The following WDFY3 variants were observed in gnomAD, a reference collection of about 807,000 sequenced individuals.
The protein encoded by WDFY3 is WD repeat and FYVE domain containing 3.
WDFY3 carries 66 observed loss-of-function variants against 409.6 expected under a neutral mutation model. That is an observed-to-expected ratio of 0.16 (90% CI 0.13 to 0.20). The LOEUF is 0.20. Ranked by LOEUF, WDFY3 falls within the 10% of genes least tolerant of loss-of-function variation. WDFY3 has a pLI of 1.00. For synonymous variants in WDFY3, 1,521 were observed against 1,537.1 expected (o/e 0.99, Z 0.25); for missense variants, 3,031 against 4,298.1 (o/e 0.71, Z 8.24).
chr4:84,734,997 T>C (rs1377526534), intron 43 of WDFY3, 46 bp downstream of exon 43: 43 of 1,534,804 alleles, frequency 2.8e-5, no homozygotes, highest in Non-Finnish European at 3.9e-5. Flanking sequence ...ACCTTTCACA[T>C]ACAAAAAATG....
At chr4:84,891,733 G>A (rs958393764) in intron 3 of WDFY3, among the ~76,000 whole-genome samples, 1 of 152,086 alleles carries the variant, frequency 6.6e-6, no homozygotes, top group Non-Finnish European at 1.5e-5. Context: ...AATGAAAAAG[G>A]AGAAAACAGG....
At chr4:84,685,879 TAAG>T (rs774839351) in intron 62 of WDFY3, among the ~76,000 whole-genome samples, 2 of 152,222 alleles carry the variant, frequency 1.3e-5, no homozygotes, top group Admixed American at 6.5e-5. Flanking sequence ...GTATTTAAGT[TAAG>T]AACAACCCCA....
chr4:84,757,274 A>C (rs1222443131), intron 32 of WDFY3, 113 bp from the exon 33 acceptor site: 1 of 882,938 alleles, frequency 1.1e-6, no homozygotes, highest in Non-Finnish European at 1.8e-6. Context: ...CAGAACATTC[A>C]TACTACTATA....
Position 84,810,173 on chromosome 4 carries a change from T to C in WDFY3, c.2059A>G (p.Thr687Ala), listed in dbSNP as rs765370314. Residue 687 changes from threonine (T) to alanine (A), a missense_variant, in exon 14 of 68, where the codon ACT becomes GCT. Around this residue, in one of 16 missense-constraint regions of WDFY3, gnomAD observed 1,322 missense variants for 1,697.9 expected, o/e 0.78. Coordinates refer to ENST00000295888, the MANE Select transcript of WDFY3 (RefSeq NM_014991.6). Reference sequence around the variant, plus strand: ...GCTGCAGTCAACGTGCAGAACACAGTGTGAAGAAGTTCAAACACTTGATTC... The same window carrying C: ...GCTGCAGTCAACGTGCAGAACACAGCGTGAAGAAGTTCAAACACTTGATTC... ...NQNQVFELLHTVFCTLTAAMR... is the reference protein window; with the variant it reads ...NQNQVFELLHAVFCTLTAAMR... 2.5e-5 allele frequency: 41 copies of C among 1,614,020 alleles called. No homozygotes were observed. The highest frequency in any genetic ancestry group is 4.0e-5 in the African/African-American group (3 of 74,930).
chr4:84,822,194 G>C (rs1272698096), intron 10 of WDFY3, among the ~76,000 whole-genome samples: 3 of 152,054 alleles, frequency 2.0e-5, no homozygotes, highest in African/African-American at 7.2e-5. Context: ...GCAAATTAGT[G>C]ACAATAATTA....
chr4:84,865,706 C>G (rs1163961143), intron 3 of WDFY3, among the ~76,000 whole-genome samples: 1 of 152,196 alleles, frequency 6.6e-6, no homozygotes, highest in Non-Finnish European at 1.5e-5. Flanking sequence ...CCTTTCACTG[C>G]AAACCCCACT....
At chr4:84,907,365 C>T (rs538974653) in intron 2 of WDFY3, among the ~76,000 whole-genome samples, 1 of 152,166 alleles carries the variant, frequency 6.6e-6, no homozygotes, top group Non-Finnish European at 1.5e-5. Flanking sequence ...GATTACTTGC[C>T]CTGAAGGAAG....
chr4:84,847,067 G>A (rs1031142572), intron 5 of WDFY3, among the ~76,000 whole-genome samples: 13 of 151,960 alleles, frequency 8.6e-5, no homozygotes, highest in Admixed American at 7.9e-4. Context: ...ACGCATTGAG[G>A]GGCACAAGGC....
chr4:84,738,707 T>G (rs1189838850), intron 40 of WDFY3, among the ~76,000 whole-genome samples: 1 of 152,164 alleles, frequency 6.6e-6, no homozygotes, highest in Admixed American at 6.5e-5. Context: ...ATGCCTGGCA[T>G]TATCATTGGG....
chr4:84,813,785 A>C (rs1035481749), intron 13 of WDFY3, among the ~76,000 whole-genome samples: 2 of 152,198 alleles, frequency 1.3e-5, no homozygotes, highest in African/African-American at 4.8e-5. Context: ...GTTAAAAAAA[A>C]GTTGGCAACC....
At chr4:84,821,010 TG>T in intron 11 of WDFY3, 73 bp downstream of exon 11, 1 of 1,337,702 alleles carries the variant, frequency 7.5e-7, no homozygotes, top group Non-Finnish European at 1.0e-6. Flanking sequence ...AACCAAAGAA[TG>T]GGAACAAGAA....
intron 30 of WDFY3, among the ~76,000 whole-genome samples, chr4:84,769,881 C>T (rs1249255786): frequency 1.3e-5 from 2 of 152,134 alleles, no homozygotes; most frequent in African/African-American, 4.8e-5. Context: ...ATTGCCACAG[C>T]CACCTCAACC....
At chr4:84,787,420 T>G in intron 23 of WDFY3, 62 bp downstream of exon 23, 2 of 1,478,808 alleles carry the variant, frequency 1.4e-6, no homozygotes, top group Non-Finnish European at 1.9e-6. Flanking sequence ...GACACACACA[T>G]GCATCTATAT....
rs1394912539 is a variant in WDFY3, at chr4:84,801,858, A to C, written c.2614T>G (p.Leu872Val). The C allele has an allele frequency of 6.2e-7, 1 of 1,613,508 alleles. No homozygotes were observed. Among genetic ancestry groups the C allele is most frequent in the Admixed American group, 1.7e-5 (1 of 59,986 alleles). The change falls in exon 17 of 68, where the codon TTG (leucine) becomes GTG (valine). Residue 872 changes from leucine to valine, a missense_variant. Leu to Val is a conservative substitution (Grantham distance 32). Coordinates refer to ENST00000295888, the MANE Select transcript of WDFY3 (RefSeq NM_014991.6). Reference protein sequence around the residue: ...VGSVTQPEHALDLQLAVANIL... With the variant: ...VGSVTQPEHAVDLQLAVANIL... ...TTTGCCACGGCAAGTTGAAGATCCA[A>C]AGCATGCTAAAATCAACAAAGAAAT...
chr4:84,777,344 T>A (rs1745726769), intron 27 of WDFY3, among the ~76,000 whole-genome samples: 1 of 149,612 alleles, frequency 6.7e-6, no homozygotes, highest in African/African-American at 2.5e-5. Flanking sequence ...TAAAGGAAAA[T>A]GTAAAAAAGT....
intron 2 of WDFY3, among the ~76,000 whole-genome samples, chr4:84,915,793 C>T (rs1432805588): frequency 6.6e-6 from 1 of 152,052 alleles, no homozygotes; most frequent in African/African-American, 2.4e-5. Context: ...AGTGTACAGA[C>T]CTCAATTAAC....
chr4:84,833,791 G>A (rs6835046), intron 7 of WDFY3, among the ~76,000 whole-genome samples: 74,126 of 152,078 alleles, frequency 0.49, 20,693 homozygotes, highest in South Asian at 0.65. Context: ...CATTTTATCT[G>A]AGAAAACTAG....
intron 13 of WDFY3, among the ~76,000 whole-genome samples, chr4:84,812,114 G>A (rs562802194): frequency 6.6e-6 from 1 of 152,074 alleles, no homozygotes; most frequent in East Asian, 1.9e-4. Context: ...AAGTTATGAA[G>A]ATTTCATTGT....
chr4:84,885,372 T>C (rs1261207098), intron 3 of WDFY3, among the ~76,000 whole-genome samples: 3 of 144,016 alleles, frequency 2.1e-5, no homozygotes, highest in Admixed American at 2.1e-4. Context: ...GTGTGTAAAA[T>C]GAATCACGTA....
Sources: allele counts gnomAD v4.1 joint callset (sites outside exome capture counted in the v4.1 genomes callset), GRCh38; gene constraint gnomAD v4.1.1; regional missense constraint gnomAD v4.1.1; transcripts MANE v1.5; gene names NCBI Gene and HGNC (gene_info 2026-07-23, HGNC 2026-07-21).